ANXA3: variants seen among roughly 807,000 people sequenced by gnomAD.
ANXA3 encodes 35-alpha calcimedin.
Under a neutral mutation model 48.8 loss-of-function variants are expected in ANXA3, and 46 were observed. That is an observed-to-expected ratio of 0.94 (90% confidence interval 0.74 to 1.21). ANXA3 has a LOEUF of 1.21. Ranked by LOEUF, ANXA3 falls within the 50% of genes most tolerant of loss-of-function variation. The pLI is 0.00. For missense variants in ANXA3, 383 were observed against 378.6 expected (o/e 1.01, Z -0.10); for synonymous variants, 128 against 134.7 (o/e 0.95, Z 0.35).
chr4:78,570,533 G>T (rs888676986), intron 2 of ANXA3, among the ~76,000 whole-genome samples: 2 of 152,296 alleles, frequency 1.3e-5, no homozygotes, highest in Admixed American at 6.5e-5. Context: ...TATAGAAGGT[G>T]TGTCCTGGTC....
At chr4:78,576,424 G>A (rs752119207) in intron 3 of ANXA3, among the ~76,000 whole-genome samples, 1 of 152,004 alleles carries the variant, frequency 6.6e-6, no homozygotes, top group Admixed American at 6.6e-5. Context: ...AGCCTCTGGT[G>A]TTGCTAGGAC....
chr4:78,577,561 GT>G (rs1219787228), intron 3 of ANXA3, among the ~76,000 whole-genome samples: 3 of 152,206 alleles, frequency 2.0e-5, no homozygotes, highest in Non-Finnish European at 2.9e-5. Context: ...TTAACTATGT[GT>G]AAGAATACAA....
chr4:78,564,122 T>A (rs1430058983), intron 2 of ANXA3, among the ~76,000 whole-genome samples: 3 of 152,214 alleles, frequency 2.0e-5, no homozygotes, highest in East Asian at 1.9e-4. Flanking sequence ...GAGAAAGATG[T>A]TCATGTTAAT....
chr4:78,573,123 G>A (rs1722873038), intron 2 of ANXA3, 57 bp from the exon 3 acceptor site: 1 of 1,269,556 alleles, frequency 7.9e-7, no homozygotes, highest in Non-Finnish European at 1.2e-6. Flanking sequence ...ATATGCATAT[G>A]TAATACAAGA....
At chr4:78,554,300 A>T (rs1470749131) in intron 1 of ANXA3, 136 bp from the exon 2 acceptor site, 2 of 656,274 alleles carry the variant, frequency 3.0e-6, no homozygotes, top group African/African-American at 1.8e-5. Context: ...CCAATGTCAG[A>T]TATATGCTCT....
At position 78,597,380 on chromosome 4, in the gene ANXA3, AT is replaced by A; in HGVS notation, c.697del (p.Ser233LeufsTer11). 6.2e-7 allele frequency: 1 copy of A among 1,610,664 alleles called. No homozygotes were observed. The highest frequency in any genetic ancestry group is 2.2e-5 in the East Asian group (1 of 44,802). On this transcript the variant is annotated frameshift_variant, in exon 10 of 13. Transcript: ENST00000264908. LOFTEE classifies it high-confidence loss of function. Reference protein sequence around the residue: ...DIVDSIKGELSGHFEDLLLAI... With the variant: ...DIVDSIKGELXGHFEDLLLAI... ...TTGTGGACAGCATAAAAGGAGAATT[AT>A]CTGGGCATTTTGAAGACTTACTGTT... is the stretch of plus-strand genomic sequence containing the variant.
Position 78,554,598 on chromosome 4 carries a change from C to G in ANXA3, c.15+110C>G. 4 of 873,442 alleles carry G rather than the reference C, an allele frequency of 4.6e-6. No individual in the cohort carries two copies. In the South Asian group the frequency reaches 6.0e-5, roughly 13 times the overall value. 54.1% of individuals were successfully genotyped at this position (873,442 alleles called of 1,614,324 possible). A position where few individuals can be genotyped will look rare whatever the true frequency, so the allele number is the denominator to read the frequency against. ...TAGGAAAGTTTTTAAGTTTATCTGG[C>G]AAAATTAACATGCTAGAAAAGCCAG... On this transcript the variant is annotated intron_variant, in intron 2 of 12. Transcript: ENST00000264908.
chr4:78,553,509 C>A (rs1393359418), intron 1 of ANXA3, among the ~76,000 whole-genome samples: 1 of 152,062 alleles, frequency 6.6e-6, no homozygotes, highest in Non-Finnish European at 1.5e-5. Context: ...AAATGAGAAC[C>A]AATAATGCCT....
At chr4:78,599,956 C>T (rs774845804) in intron 10 of ANXA3, among the ~76,000 whole-genome samples, 9 of 151,876 alleles carry the variant, frequency 5.9e-5, no homozygotes, top group Admixed American at 3.3e-4. Context: ...GCAAAAGTTT[C>T]AAAATCCAAC....
At chr4:78,589,486 G>T (rs1442961358) in intron 6 of ANXA3, among the ~76,000 whole-genome samples, 1 of 152,148 alleles carries the variant, frequency 6.6e-6, no homozygotes, top group Non-Finnish European at 1.5e-5. Flanking sequence ...TCGGCAGCAG[G>T]CATCCATTGC....
chr4:78,555,304 G>T (rs1187104558), intron 2 of ANXA3, among the ~76,000 whole-genome samples: 3 of 152,142 alleles, frequency 2.0e-5, no homozygotes, highest in Admixed American at 6.5e-5. Flanking sequence ...ACGCCTAAAA[G>T]AAAAATATTG....
intron 1 of ANXA3, among the ~76,000 whole-genome samples, chr4:78,553,218 A>G (rs1722436570): frequency 6.6e-6 from 1 of 152,196 alleles, no homozygotes; most frequent in Non-Finnish European, 1.5e-5. Context: ...TAGCTGTGTG[A>G]CTGTGGGACA....
At chr4:78,583,079 C>T (rs1723104861) in intron 5 of ANXA3, among the ~76,000 whole-genome samples, 1 of 152,196 alleles carries the variant, frequency 6.6e-6, no homozygotes. Flanking sequence ...TGGCTCTTGC[C>T]TGTAATCCCA....
intron 1 of ANXA3, among the ~76,000 whole-genome samples, chr4:78,553,359 C>A (rs1034717256): frequency 6.6e-6 from 1 of 152,036 alleles, no homozygotes; most frequent in Non-Finnish European, 1.5e-5. Flanking sequence ...AAATATCTAC[C>A]GTGCACCAGT....
At chr4:78,565,729 C>T (rs768454621) in intron 2 of ANXA3, among the ~76,000 whole-genome samples, 1 of 152,098 alleles carries the variant, frequency 6.6e-6, no homozygotes, top group Non-Finnish European at 1.5e-5. Flanking sequence ...TATAAAATCA[C>T]GGTATTAATT....
intron 2 of ANXA3, among the ~76,000 whole-genome samples, chr4:78,555,797 G>A (rs1174015180): frequency 6.6e-6 from 1 of 151,572 alleles, no homozygotes; most frequent in African/African-American, 2.4e-5. Context: ...GCTGCAGTGA[G>A]CCATGTTCAT....
At chr4:78,559,960 G>A (rs148212776) in intron 2 of ANXA3, among the ~76,000 whole-genome samples, 38 of 152,192 alleles carry the variant, frequency 2.5e-4, no homozygotes, top group African/African-American at 7.2e-4. Flanking sequence ...TAATATCGCT[G>A]CAACTGTTTT....
chr4:78,572,694 A>G (rs531447124), intron 2 of ANXA3, among the ~76,000 whole-genome samples: 1 of 152,322 alleles, frequency 6.6e-6, no homozygotes, highest in East Asian at 1.9e-4. Context: ...CAAAAGGCCA[A>G]CTGTAGGTTC....
chr4:78,602,247 A>AG (rs1375265432), intron 11 of ANXA3: 1 of 151,822 alleles, frequency 6.6e-6, no homozygotes, highest in African/African-American at 2.4e-5. Context: ...CTCAAAAAAA[A>AG]AAAAAAAAAA....
Sources: gnomAD v4.1 joint callset for allele counts (sites outside exome capture counted in the v4.1 genomes callset) on GRCh38, gnomAD v4.1.1 for gene constraint, MANE v1.5 for transcripts, NCBI Gene and HGNC (gene_info 2026-07-23, HGNC 2026-07-21) for gene names.